The following DDR2 variants were observed in gnomAD, a reference collection of about 807,000 sequenced individuals.
DDR2 encodes the protein discoidin domain-containing receptor 2.
Under a neutral mutation model 94.9 loss-of-function variants are expected in DDR2, and 27 were observed. The ratio of observed to expected loss-of-function variants is 0.28; its 90% confidence interval spans 0.21 to 0.39. The LOEUF is 0.39. Ranked by LOEUF, DDR2 falls within the 10% of genes least tolerant of loss-of-function variation. The pLI is 1.00. For missense variants in DDR2, 783 were observed against 1,076.0 expected (o/e 0.73, Z 3.81); for synonymous variants, 382 against 377.2 (o/e 1.01, Z -0.15).
chr1:162,639,770 C>T (rs1022188011), intron 1 of DDR2, among the ~76,000 whole-genome samples: 3 of 152,168 alleles, frequency 2.0e-5, no homozygotes, highest in East Asian at 1.9e-4. Context: ...TTCAACTTTA[C>T]GACAGTGCAA....
intron 2 of DDR2, among the ~76,000 whole-genome samples, chr1:162,696,084 C>T (rs1660172501): frequency 6.6e-6 from 1 of 152,002 alleles, no homozygotes; most frequent in Non-Finnish European, 1.5e-5. Flanking sequence ...ACATAACCCA[C>T]TCATTATATT....
intron 2 of DDR2, among the ~76,000 whole-genome samples, chr1:162,659,155 C>T (rs745715880): frequency 9.2e-5 from 14 of 152,200 alleles, no homozygotes; most frequent in Non-Finnish European, 1.9e-4. Context: ...AGAGATAACT[C>T]CAGCCTTGGT....
intron 4 of DDR2, among the ~76,000 whole-genome samples, chr1:162,753,655 T>A (rs142896920): frequency 4.6e-5 from 7 of 152,206 alleles, no homozygotes; most frequent in Non-Finnish European, 5.9e-5. Context: ...CACTGAGGCC[T>A]CCAACAAGTT....
rs149447631 is a variant in DDR2 at position 162,708,291 on chromosome 1, G to A, written c.-27-10746G>A. On this transcript the variant is annotated intron_variant, in intron 2 of 17. Transcript: ENST00000367921. The stretch of plus-strand genomic sequence containing the variant: ...TGGCATCACACATGATCTCTTCTGG[G>A]TTCAGGAGGGGTTCCTATAGCTAGA... Among the ~76,000 whole-genome samples the A allele has an allele frequency of 3.1e-3, 465 of 152,280 alleles. 1 individual carries two copies. Among genetic ancestry groups the A allele is most frequent in the African/African-American group, 0.011 (446 of 41,542 alleles).
intron 11 of DDR2, among the ~76,000 whole-genome samples, chr1:162,767,691 A>T (rs1324775551): frequency 3.9e-5 from 6 of 152,124 alleles, no homozygotes; most frequent in Non-Finnish European, 8.8e-5. Flanking sequence ...AAAAAAATTT[A>T]ACAAGTGCTT....
At chr1:162,731,452 CTGAG>C (rs1662043108) in intron 3 of DDR2, among the ~76,000 whole-genome samples, 1 of 152,070 alleles carries the variant, frequency 6.6e-6, no homozygotes, top group Non-Finnish European at 1.5e-5. Context: ...CCAAACTTTA[CTGAG>C]TGAGTCAAAG....
At chr1:162,751,001 T>G (rs1663165951) in intron 3 of DDR2, among the ~76,000 whole-genome samples, 1 of 152,166 alleles carries the variant, frequency 6.6e-6, no homozygotes, top group African/African-American at 2.4e-5. Flanking sequence ...TAATTCAAGA[T>G]GGATCAAAGA....
rs1663746625 is a variant in DDR2 at position 162,761,511 on chromosome 1, A to G, written c.1099+57A>G. 4 of 1,613,190 alleles carry G rather than the reference A, an allele frequency of 2.5e-6. No individual in the cohort carries two copies. The Admixed American group carries it at 6.7e-5, about 27-fold the overall frequency. ...GAGCAAGGTGATGAAGGAGGAATGC[A>G]CATGCCCAGAACTTCTCATTAGCAG... is the stretch of plus-strand genomic sequence containing the variant. On this transcript the variant is annotated intron_variant, in intron 9 of 17. Transcript: ENST00000367921.
intron 13 of DDR2, among the ~76,000 whole-genome samples, chr1:162,772,919 G>T (rs1343085679): frequency 1.3e-5 from 2 of 152,152 alleles, no homozygotes; most frequent in Non-Finnish European, 2.9e-5. Context: ...TTTCAGTGTG[G>T]ATCTCATGTT....
intron 2 of DDR2, among the ~76,000 whole-genome samples, chr1:162,687,862 T>C (rs1464002362): frequency 6.6e-6 from 1 of 152,096 alleles, no homozygotes. Flanking sequence ...ATTAATGGGG[T>C]CACGAGGTGG....
At chr1:162,699,282 G>A (rs1255719936) in intron 2 of DDR2, among the ~76,000 whole-genome samples, 3 of 152,196 alleles carry the variant, frequency 2.0e-5, no homozygotes, top group Admixed American at 1.3e-4. Flanking sequence ...TTCCTTGCTA[G>A]GCCACAATGA....
chr1:162,759,742 G>C, intron 7 of DDR2, 54 bp from the exon 8 acceptor site: 1 of 1,607,294 alleles, frequency 6.2e-7, no homozygotes, highest in Non-Finnish European at 8.5e-7. Flanking sequence ...CCACGAATGT[G>C]TGGTTAACTC....
intron 2 of DDR2, among the ~76,000 whole-genome samples, chr1:162,708,834 G>A (rs1001106945): frequency 2.6e-5 from 4 of 152,194 alleles, no homozygotes; most frequent in Non-Finnish European, 4.4e-5. Flanking sequence ...TACTTACTGA[G>A]TACTTACTAT....
intron 2 of DDR2, among the ~76,000 whole-genome samples, chr1:162,703,764 C>G (rs1359051410): frequency 6.6e-6 from 1 of 152,144 alleles, no homozygotes; most frequent in Non-Finnish European, 1.5e-5. Context: ...TGTAGTTATT[C>G]CAGTTCCTGG....
intron 2 of DDR2, among the ~76,000 whole-genome samples, chr1:162,658,801 TG>T (rs1394275816): frequency 7.5e-5 from 5 of 66,400 alleles, no homozygotes; most frequent in Non-Finnish European, 1.5e-4. Flanking sequence ...CACTCCAGCC[TG>T]GGTGACAGAA....
chr1:162,681,420 G>A (rs2101957740), intron 2 of DDR2, among the ~76,000 whole-genome samples: 1 of 152,204 alleles, frequency 6.6e-6, no homozygotes, highest in South Asian at 2.1e-4. Flanking sequence ...CATTAATTAG[G>A]CCACTCAGGC....
At chr1:162,665,039 A>G (rs1468626785) in intron 2 of DDR2, among the ~76,000 whole-genome samples, 1 of 152,234 alleles carries the variant, frequency 6.6e-6, no homozygotes, top group Non-Finnish European at 1.5e-5. Flanking sequence ...TTGACATTCA[A>G]GGTCTTTCAG....
chr1:162,739,093 C>T (rs1662457362), intron 3 of DDR2, among the ~76,000 whole-genome samples: 1 of 121,200 alleles, frequency 8.3e-6, no homozygotes, highest in Non-Finnish European at 1.7e-5. Context: ...GCAACAAAAG[C>T]CAAAATTGAC....
chr1:162,696,802 C>T (rs565299743), intron 2 of DDR2, among the ~76,000 whole-genome samples: 1 of 152,100 alleles, frequency 6.6e-6, no homozygotes, highest in East Asian at 1.9e-4. Context: ...TTCTTCCCTG[C>T]CCCCGCTGTC....
Sources: allele counts gnomAD v4.1 joint callset (sites outside exome capture counted in the v4.1 genomes callset), GRCh38; gene constraint gnomAD v4.1.1; transcripts MANE v1.5; gene names NCBI Gene and HGNC (gene_info 2026-07-23, HGNC 2026-07-21).